The following HGF variants were observed in gnomAD, a reference collection of about 807,000 sequenced individuals.
HGF encodes the protein fibroblast-derived tumor cytotoxic factor.
In HGF, 39 loss-of-function variants were observed where a neutral mutation model predicts 111.6. The observed-to-expected ratio is 0.35, with a 90% CI of 0.27 to 0.46. The LOEUF is 0.46. Among genes scored for constraint, HGF ranks in the 20% least tolerant of loss-of-function variants. HGF has a pLI of 1.00. For missense variants in HGF, 735 were observed against 910.5 expected, an observed-to-expected ratio of 0.81 and a Z score of 2.48; for synonymous variants, 285 against 294.8, an observed-to-expected ratio of 0.97 and a Z score of 0.34.
intron 11 of HGF, 128 bp downstream of exon 11, chr7:81,717,104 G>T: frequency 1.2e-6 from 1 of 814,200 alleles, no homozygotes; most frequent in Non-Finnish European, 2.1e-6. Context: ...ACATTTGTGT[G>T]TGTTGCTCTC....
At chr7:81,758,633 A>C in intron 3 of HGF, 59 bp downstream of exon 3, 1 of 1,070,298 alleles carries the variant, frequency 9.3e-7, no homozygotes, top group Non-Finnish European at 1.5e-6. Context: ...AGGAAATTAC[A>C]AACATACATT....
At chr7:81,703,709 T>C (rs1229205921) in intron 17 of HGF, among the ~76,000 whole-genome samples, 1 of 151,646 alleles carries the variant, frequency 6.6e-6, no homozygotes, top group Non-Finnish European at 1.5e-5. Context: ...GGTATCTTTA[T>C]ATGCAGAAGA....
chr7:81,768,193 C>T lies in HGF; in HGVS notation c.88+1691G>A, dbSNP rs553239632. On this transcript the variant is annotated intron_variant, in intron 1 of 17. Transcript: ENST00000222390. ...GCCGAAAACAAATAGACACTGCCTA[C>T]GGTTGATCTACTGTTTGGGTTTTCC... 1.4e-4 allele frequency among the ~76,000 whole-genome samples: 22 copies of T among 152,280 alleles called. No individual in the cohort carries two copies. The South Asian group carries it at 3.9e-3, about 27-fold the overall frequency.
chr7:81,704,725 A>C (rs531578952), intron 17 of HGF, among the ~76,000 whole-genome samples: 54 of 151,878 alleles, frequency 3.6e-4, no homozygotes, highest in African/African-American at 1.2e-3. Context: ...AGCATTCCAC[A>C]ATCCCACAGC....
chr7:81,739,196 AT>A (rs1787927781), intron 7 of HGF, among the ~76,000 whole-genome samples: 1 of 152,076 alleles, frequency 6.6e-6, no homozygotes, highest in East Asian at 1.9e-4. Context: ...ATTTGTCATT[AT>A]ATACTGTACA....
chr7:81,745,417 G>T (rs906561671), intron 5 of HGF, among the ~76,000 whole-genome samples: 3 of 152,128 alleles, frequency 2.0e-5, no homozygotes, highest in Non-Finnish European at 2.9e-5. Context: ...CTAGAAAATG[G>T]AAATAAAAGA....
At chr7:81,708,296 G>GA (rs898721503) in intron 13 of HGF, among the ~76,000 whole-genome samples, 14 of 151,830 alleles carry the variant, frequency 9.2e-5, no homozygotes, top group African/African-American at 3.1e-4. Flanking sequence ...ATTTAAAAAG[G>GA]AAAAAAACTA....
chr7:81,739,231 A>C (rs1787928610), intron 7 of HGF, among the ~76,000 whole-genome samples: 2 of 152,056 alleles, frequency 1.3e-5, no homozygotes, highest in South Asian at 4.1e-4. Context: ...TATTGTTCAC[A>C]TCCTTCCCCA....
Position 81,702,672 on chromosome 7 carries a change from A to G in HGF, c.2096T>C (p.Ile699Thr). 2 of 1,611,814 alleles carry G rather than the reference A, an allele frequency of 1.2e-6. No individual in the cohort carries two copies. Among genetic ancestry groups the G allele is most frequent in the East Asian group, 4.5e-5 (2 of 44,802 alleles). ...GVIVPGRGCA[I>T]PNRPGIFVRV... is the part of the protein sequence containing the mutation. ...GACAAAAATACCAGGACGATTTGGA[A>G]TGGCACATCCACGACCAGGAACAAT... The change falls in exon 18 of 18, where the codon ATT becomes ACT. Residue 699 changes from isoleucine (I) to threonine (T), a missense_variant. Physicochemically the swap from Ile to Thr is moderately conservative, Grantham distance 89 (BLOSUM62 -1). This residue lies in a region of HGF where 52 missense variants were observed against 95.0 expected (regional missense o/e 0.55). Coordinates refer to ENST00000222390, the MANE Select transcript of HGF (RefSeq NM_000601.6).
intron 5 of HGF, among the ~76,000 whole-genome samples, chr7:81,745,818 A>G (rs1005275889): frequency 4.6e-5 from 7 of 152,236 alleles, no homozygotes; most frequent in Non-Finnish European, 8.8e-5. Flanking sequence ...GTAATTAGGT[A>G]GGCTCTTACT....
intron 7 of HGF, among the ~76,000 whole-genome samples, chr7:81,740,682 A>G (rs193261205): frequency 4.4e-4 from 67 of 152,364 alleles, no homozygotes; most frequent in Admixed American, 1.0e-3. Context: ...GTAAACTGCC[A>G]TATTGTAGAG....
At chr7:81,749,380 C>T (rs1401161388) in intron 5 of HGF, among the ~76,000 whole-genome samples, 4 of 152,096 alleles carry the variant, frequency 2.6e-5, no homozygotes, top group Non-Finnish European at 5.9e-5. Flanking sequence ...ATGGATTTTG[C>T]ATACCTCAAC....
intron 1 of HGF, among the ~76,000 whole-genome samples, chr7:81,765,666 C>T (rs1449028943): frequency 1.3e-5 from 2 of 152,136 alleles, no homozygotes; most frequent in Admixed American, 6.5e-5. Flanking sequence ...GTAATCCACA[C>T]ATCTATAAAA....
chr7:81,769,741 G>C, intron 1 of HGF, 143 bp downstream of exon 1: 4 of 659,092 alleles, frequency 6.1e-6, no homozygotes, highest in Middle Eastern at 3.8e-4. Context: ...AGCATAATGA[G>C]AGCTTTTAGA....
rs969356384 is a variant in HGF at position 81,758,548 on chromosome 7, T to A, written c.367+144A>T. ...AAATAGTCAAGATACTAGTTTCAAC[T>A]GTCTTAATGGATGAATTGACTACAT... is the stretch of plus-strand genomic sequence containing the variant. On this transcript the variant is annotated intron_variant, in intron 3 of 17. Coordinates refer to ENST00000222390, the MANE Select transcript of HGF (RefSeq NM_000601.6). 2.3e-5 allele frequency: 14 copies of A among 618,412 alleles called. No homozygotes were observed. The African/African-American group carries it at 2.4e-4, about 11-fold the overall frequency. 38.3% of individuals were successfully genotyped at this position (618,412 alleles called of 1,614,324 possible).
chr7:81,717,184 A>G (rs1789734266), intron 11 of HGF, 48 bp downstream of exon 11: 1 of 1,569,670 alleles, frequency 6.4e-7, no homozygotes, highest in Admixed American at 1.7e-5. Context: ...GATGAAATGT[A>G]GTACATTTAA....
rs200948659 is a variant in HGF, at chr7:81,725,923, G to A, written c.1135C>T (p.Gln379Ter). The change falls in exon 9 of 18, where the codon CAA becomes TAA. Residue 379 changes from glutamine (Q) to a stop codon, truncating the protein, a stop_gained. Coordinates refer to ENST00000222390, the MANE Select transcript of HGF (RefSeq NM_000601.6). LOFTEE classifies it high-confidence loss of function. ...TGTGACATATCACAGTTTGGAATTTGGGAGCAGTAGCCAACTCGGATGTTT... is the reference window on the plus strand; with the variant it reads ...TGTGACATATCACAGTTTGGAATTTAGGAGCAGTAGCCAACTCGGATGTTT... ...DPNIRVGYCS[Q>*]IPNCDMSHGQ... The A allele has an allele frequency of 1.2e-6, 2 of 1,614,028 alleles. No homozygotes were observed. The highest frequency in any genetic ancestry group is 1.7e-6 in the Non-Finnish European group (2 of 1,179,952).
Position 81,769,889 on chromosome 7 carries a change from T to C in HGF, c.83A>G (p.Tyr28Cys). 1 of 1,564,272 alleles carries C rather than the reference T, an allele frequency of 6.4e-7. No individual in the cohort carries two copies. Among genetic ancestry groups the C allele is most frequent in the Non-Finnish European group, 8.7e-7 (1 of 1,153,164 alleles). Reference protein sequence around the residue: ...HLLLLPIAIPYAEGQRKRRNT... With the variant: ...HLLLLPIAIPCAEGQRKRRNT... ...AGAAGAAGAAGGGAACTAACCTGCATAGGGGATGGCGATGGGGAGCAGGAG... is the reference window on the plus strand; with the variant it reads ...AGAAGAAGAAGGGAACTAACCTGCACAGGGGATGGCGATGGGGAGCAGGAG... Residue 28 changes from tyrosine (Y) to cysteine (C), a missense_variant, in exon 1 of 18, where the codon TAT becomes TGT. Physicochemically the swap from Tyr to Cys is radical, Grantham distance 194. Around this residue, in one of 3 missense-constraint regions of HGF, gnomAD observed 553 missense variants for 685.6 expected, o/e 0.81. Transcript: ENST00000222390.
At chr7:81,725,682 G>A (rs1789986741) in intron 9 of HGF, among the ~76,000 whole-genome samples, 1 of 152,158 alleles carries the variant, frequency 6.6e-6, no homozygotes. Flanking sequence ...GCTTAGAACT[G>A]TGGCTGTCAG....
Sources: gnomAD v4.1 joint callset for allele counts (sites outside exome capture counted in the v4.1 genomes callset) on GRCh38, gnomAD v4.1.1 for gene constraint, gnomAD v4.1.1 regional missense constraint, MANE v1.5 for transcripts, NCBI Gene and HGNC (gene_info 2026-07-23, HGNC 2026-07-21) for gene names.